The following PIK3C3 variants were observed in gnomAD, a reference collection of about 807,000 sequenced individuals.
The protein encoded by PIK3C3 is phosphatidylinositol 3-kinase catalytic subunit type 3, also known as PI3-kinase type 3.
In PIK3C3, 95 loss-of-function variants were observed where a neutral mutation model predicts 126.1. The ratio of observed to expected loss-of-function variants is 0.75; its 90% CI spans 0.64 to 0.89. The LOEUF (loss-of-function observed/expected upper bound fraction) is 0.89, where lower values mean the gene tolerates loss of function less well. Ranked by LOEUF, PIK3C3 falls within the 40% of genes least tolerant of loss-of-function variation. PIK3C3 has a pLI of 0.00. For synonymous variants in PIK3C3, 374 were observed against 360.0 expected (o/e 1.04, Z -0.44); for missense variants, 829 against 1,063.2 (o/e 0.78, Z 3.06).
intron 3 of PIK3C3, 137 bp downstream of exon 3, chr18:41,962,769 C>A (rs1490660068): frequency 1.6e-6 from 1 of 612,478 alleles, no homozygotes; most frequent in Non-Finnish European, 2.6e-6. Flanking sequence ...TTTGATCATT[C>A]CTTACACTGA....
chr18:42,054,993 T>G (rs912555227), intron 21 of PIK3C3, among the ~76,000 whole-genome samples: 1 of 152,154 alleles, frequency 6.6e-6, no homozygotes, highest in Non-Finnish European at 1.5e-5. Flanking sequence ...AGAAAATAGT[T>G]AATATATTTC....
chr18:41,959,280 A>G (rs991997340), intron 2 of PIK3C3, among the ~76,000 whole-genome samples: 1 of 152,204 alleles, frequency 6.6e-6, no homozygotes, highest in African/African-American at 2.4e-5. Flanking sequence ...CAAATTCTCA[A>G]TTACAAGATT....
At chr18:42,009,630 GTA>G (rs1982710757) in intron 10 of PIK3C3, among the ~76,000 whole-genome samples, 2 of 147,786 alleles carry the variant, frequency 1.4e-5, no homozygotes, top group Non-Finnish European at 3.0e-5. Context: ...ATTATGTAAT[GTA>G]CATTATGTAA....
chr18:42,013,377 A>T (rs1982920551), intron 10 of PIK3C3, 65 bp from the exon 11 acceptor site: 1 of 939,752 alleles, frequency 1.1e-6, no homozygotes, highest in African/African-American at 1.7e-5. Context: ...ATTTAGGAAT[A>T]AATTATGTCT....
chr18:42,079,095 G>A (rs1321733866), intron 24 of PIK3C3, among the ~76,000 whole-genome samples: 1 of 152,176 alleles, frequency 6.6e-6, no homozygotes, highest in Non-Finnish European at 1.5e-5. Flanking sequence ...TTTGATGCGA[G>A]AGTCTTAACT....
chr18:41,988,996 C>T (rs187956584), intron 5 of PIK3C3, among the ~76,000 whole-genome samples: 39 of 152,158 alleles, frequency 2.6e-4, no homozygotes, highest in Admixed American at 1.5e-3. Context: ...CCATTACCAC[C>T]GCATTACTAT....
intron 20 of PIK3C3, chr18:42,049,330 C>G (rs546631942): frequency 4.0e-5 from 16 of 400,950 alleles, no homozygotes; most frequent in Non-Finnish European, 6.2e-5. Context: ...TAACAGAATT[C>G]TACAAGATTT....
chr18:42,063,578 T>C (rs1985411191), intron 22 of PIK3C3, among the ~76,000 whole-genome samples: 1 of 152,218 alleles, frequency 6.6e-6, no homozygotes, highest in South Asian at 2.1e-4. Context: ...TTTTTCATTA[T>C]AATTCCTCTT....
intron 10 of PIK3C3, among the ~76,000 whole-genome samples, chr18:42,006,764 T>A (rs1982564919): frequency 6.6e-6 from 1 of 152,192 alleles, no homozygotes; most frequent in Non-Finnish European, 1.5e-5. Context: ...ATTGGGCCTC[T>A]TTTATAGGCT....
At chr18:41,989,289 T>C (rs1213261984) in intron 5 of PIK3C3, among the ~76,000 whole-genome samples, 4 of 152,088 alleles carry the variant, frequency 2.6e-5, no homozygotes, top group African/African-American at 7.2e-5. Context: ...CAGGATAGTC[T>C]CAGACTCCTG....
chr18:42,076,155 TATATATGCAC>T lies in PIK3C3; in HGVS notation c.2650-4961_2650-4952del, dbSNP rs1352223350. 1.5e-4 allele frequency among the ~76,000 whole-genome samples: 18 copies of T among 118,348 alleles called. 1 individual carries two copies. Among genetic ancestry groups the T allele is most frequent in the African/African-American group, 6.4e-4 (18 of 28,076 alleles). 77.6% of individuals were successfully genotyped at this position (118,348 alleles called of 152,430 possible). ...ATATATATATATATGCGCATATATA[TATATATGCAC>T]ATATATATATATGCACATATATATA... On this transcript the variant is annotated intron_variant, in intron 24 of 24. Transcript: ENST00000262039.
chr18:42,022,544 C>G (rs1246313210), intron 13 of PIK3C3, among the ~76,000 whole-genome samples: 1 of 152,048 alleles, frequency 6.6e-6, no homozygotes, highest in Non-Finnish European at 1.5e-5. Context: ...TTAGTTTAAG[C>G]CTTTATGGTT....
chr18:41,967,022 C>T (rs1407562700), intron 3 of PIK3C3, among the ~76,000 whole-genome samples: 3 of 152,172 alleles, frequency 2.0e-5, no homozygotes, highest in African/African-American at 7.2e-5. Flanking sequence ...TTCTAAGAAA[C>T]CCTATGAAAT....
intron 5 of PIK3C3, among the ~76,000 whole-genome samples, chr18:41,990,033 G>A (rs1266071771): frequency 6.6e-6 from 1 of 152,060 alleles, no homozygotes; most frequent in Admixed American, 6.6e-5. Context: ...TCTTCCTTTT[G>A]ATTTTTGTTA....
At chr18:42,063,630 CAG>C (rs1323132967) in intron 22 of PIK3C3, among the ~76,000 whole-genome samples, 1 of 152,052 alleles carries the variant, frequency 6.6e-6, no homozygotes, top group African/African-American at 2.4e-5. Context: ...GAGGATAAAA[CAG>C]ATAATTTGAA....
intron 10 of PIK3C3, 75 bp downstream of exon 10, chr18:42,004,616 T>A: frequency 8.5e-7 from 1 of 1,169,904 alleles, no homozygotes; most frequent in Non-Finnish European, 1.2e-6. Flanking sequence ...TGTGTGTATG[T>A]GTGTGTGAGA....
At chr18:42,014,609 A>G (rs1982987789) in intron 11 of PIK3C3, among the ~76,000 whole-genome samples, 1 of 152,232 alleles carries the variant, frequency 6.6e-6, no homozygotes, top group Non-Finnish European at 1.5e-5. Flanking sequence ...TGCAAATAGT[A>G]GTAACCATTG....
intron 24 of PIK3C3, among the ~76,000 whole-genome samples, chr18:42,080,838 G>A (rs1350063409): frequency 6.6e-6 from 1 of 152,054 alleles, no homozygotes; most frequent in Non-Finnish European, 1.5e-5. Context: ...TCCTAGTGCT[G>A]GATGAGATGA....
intron 4 of PIK3C3, among the ~76,000 whole-genome samples, chr18:41,978,856 A>T (rs1981057110): frequency 6.6e-6 from 1 of 152,078 alleles, no homozygotes; most frequent in African/African-American, 2.4e-5. Flanking sequence ...ATGAATATTG[A>T]AACTTACCCC....
Sources: allele counts gnomAD v4.1 joint callset (sites outside exome capture counted in the v4.1 genomes callset), GRCh38; gene constraint gnomAD v4.1.1; transcripts MANE v1.5; gene names NCBI Gene and HGNC (gene_info 2026-07-23, HGNC 2026-07-21).